The following USH2A variants were observed in gnomAD, a reference collection of about 807,000 sequenced individuals.
The protein encoded by USH2A is usherin.
In USH2A, 443 loss-of-function variants were observed where a neutral mutation model predicts 538.9. The ratio of observed to expected loss-of-function variants is 0.82; its 90% CI spans 0.76 to 0.89. USH2A has a LOEUF of 0.89. USH2A is among the 40% of genes least tolerant of loss of function. The probability of loss-of-function intolerance (pLI) is 0.00; values close to 1 mark genes in which losing one functional copy is unlikely to be tolerated. For missense variants in USH2A, 6,633 were observed against 6,324.8 expected, an observed-to-expected ratio of 1.05 and a Z score of -1.65; for synonymous variants, 2,413 against 2,273.5, an observed-to-expected ratio of 1.06 and a Z score of -1.75.
Position 215,674,064 on chromosome 1 carries a change from G to T in USH2A, c.13811+36C>A, listed in dbSNP as rs770604353. 1.9e-6 allele frequency: 3 copies of T among 1,613,518 alleles called. No homozygotes were observed. The East Asian group carries it at 6.7e-5, about 36-fold the overall frequency. On this transcript the variant is annotated intron_variant, in intron 63 of 71. Coordinates refer to ENST00000307340, the MANE Select transcript of USH2A (RefSeq NM_206933.4). ...CTCAGGCAATAGAAAGGTCAGCAGT[G>T]GCTTACTCTCAGAAAACCGAGACAT...
chr1:216,332,510 G>C (rs922592547), intron 4 of USH2A, among the ~76,000 whole-genome samples: 1 of 152,130 alleles, frequency 6.6e-6, no homozygotes, highest in East Asian at 1.9e-4. Flanking sequence ...ATATGCGCAT[G>C]CTAAAGAAAG....
At chr1:216,168,672 G>A (rs2034217657) in intron 21 of USH2A, among the ~76,000 whole-genome samples, 1 of 152,118 alleles carries the variant, frequency 6.6e-6, no homozygotes, top group Non-Finnish European at 1.5e-5. Context: ...GCAGCCTCCA[G>A]CTGCAAGATT....
chr1:215,722,901 T>G (rs926014609), intron 61 of USH2A, among the ~76,000 whole-genome samples: 1 of 152,210 alleles, frequency 6.6e-6, no homozygotes, highest in Non-Finnish European at 1.5e-5. Flanking sequence ...GATTTATTTC[T>G]GCCAGCACAA....
chr1:215,809,407 TTC>T (rs1299635097), intron 49 of USH2A, among the ~76,000 whole-genome samples: 1 of 152,138 alleles, frequency 6.6e-6, no homozygotes, highest in African/African-American at 2.4e-5. Flanking sequence ...AGCTATGTCT[TTC>T]TGAATCCCTC....
intron 50 of USH2A, among the ~76,000 whole-genome samples, chr1:215,797,643 A>G (rs4314862): frequency 0.064 from 9,755 of 152,116 alleles, 365 homozygotes; most frequent in East Asian, 0.15. Context: ...GTATGATTAC[A>G]TATCTGTTTA....
chr1:215,847,196 T>G (rs1253015009), intron 44 of USH2A, among the ~76,000 whole-genome samples: 1 of 152,190 alleles, frequency 6.6e-6, no homozygotes, highest in Non-Finnish European at 1.5e-5. Flanking sequence ...CAAGAGAACA[T>G]GAAAACAGCC....
At chr1:216,110,819 A>C (rs1021362908) in intron 21 of USH2A, among the ~76,000 whole-genome samples, 5 of 152,224 alleles carry the variant, frequency 3.3e-5, no homozygotes, top group African/African-American at 1.2e-4. Context: ...AGGGCATTAC[A>C]GGGCATCAAT....
intron 49 of USH2A, among the ~76,000 whole-genome samples, chr1:215,811,908 AAAAC>A (rs969603939): frequency 4.0e-5 from 6 of 151,752 alleles, no homozygotes; most frequent in Admixed American, 1.3e-4. Flanking sequence ...ACTCCATCTC[AAAAC>A]AAACAAACAA....
intron 20 of USH2A, among the ~76,000 whole-genome samples, chr1:216,188,683 G>A (rs1043051805): frequency 4.6e-5 from 7 of 151,986 alleles, no homozygotes; most frequent in South Asian, 2.1e-4. Context: ...AGTAGTTTCT[G>A]TAACACTGAA....
rs1466275915 is a variant in USH2A, at chr1:215,625,287, A to G, written c.*494T>C. Reference sequence around the variant, plus strand: ...CAGAAAAGTTTGTCGACCTGGTGCAAAGTTTGGGATTCATTTAGCAGCTGT... The same window carrying G: ...CAGAAAAGTTTGTCGACCTGGTGCAGAGTTTGGGATTCATTTAGCAGCTGT... On this transcript the variant is annotated 3_prime_UTR_variant, in exon 72 of 72. Coordinates refer to ENST00000307340, the MANE Select transcript of USH2A (RefSeq NM_206933.4). 5.7e-6 allele frequency: 1 copy of G among 175,794 alleles called. No homozygotes were observed. Among genetic ancestry groups the G allele is most frequent in the Non-Finnish European group, 1.2e-5 (1 of 81,996 alleles). The allele number at this position is 175,794 out of a possible 1,614,324, so 10.9% of individuals were successfully genotyped here.
chr1:215,954,164 C>T (rs1430745256), intron 37 of USH2A, among the ~76,000 whole-genome samples: 1 of 152,112 alleles, frequency 6.6e-6, no homozygotes, highest in East Asian at 1.9e-4. Context: ...GGCGATTCCT[C>T]AGGGATCTAG....
At chr1:215,640,469 C>T in intron 68 of USH2A, 89 bp downstream of exon 68, 2 of 1,534,252 alleles carry the variant, frequency 1.3e-6, no homozygotes, top group Admixed American at 1.7e-5. Flanking sequence ...TAATGGTGAG[C>T]ATCTGCTGGT....
intron 15 of USH2A, among the ~76,000 whole-genome samples, chr1:216,208,926 C>T (rs1478690445): frequency 6.6e-6 from 1 of 152,128 alleles, no homozygotes; most frequent in Admixed American, 6.5e-5. Flanking sequence ...TTATTGGGGG[C>T]TGTTCCTATG....
intron 42 of USH2A, among the ~76,000 whole-genome samples, 185 bp downstream of exon 42, chr1:215,878,579 A>C (rs1262917035): frequency 6.6e-6 from 1 of 152,186 alleles, no homozygotes; most frequent in African/African-American, 2.4e-5. Context: ...CAAATTGATA[A>C]ACTTTGATGT....
intron 32 of USH2A, among the ~76,000 whole-genome samples, chr1:216,011,044 A>G (rs1558210345): frequency 2.0e-5 from 3 of 152,108 alleles, no homozygotes; most frequent in Non-Finnish European, 2.9e-5. Context: ...CCCGCCTGCT[A>G]CAGCATGGCC....
rs907905266 is a variant in USH2A at position 215,965,463 on chromosome 1, A to G, written c.6974T>C (p.Leu2325Pro). Residue 2325 changes from leucine (L) to proline (P), a missense_variant, in exon 37 of 72, where the codon CTA becomes CCA. Transcript: ENST00000307340. ...TACTGTTCCTTCAGGAGGAGCTTCT[A>G]GAGTTCGATTTTCCACCTGTGAGTA... is the stretch of plus-strand genomic sequence containing the variant. ...ALGPLVENRT[L>P]EAPPEGTVNV... The G allele has an allele frequency of 1.2e-6, 2 of 1,613,568 alleles. No individual in the cohort carries two copies. Among genetic ancestry groups the G allele is most frequent in the African/African-American group, 2.7e-5 (2 of 74,890 alleles).
intron 49 of USH2A, among the ~76,000 whole-genome samples, chr1:215,809,276 A>C (rs1315669867): frequency 2.0e-5 from 3 of 152,172 alleles, no homozygotes; most frequent in African/African-American, 7.2e-5. Flanking sequence ...TTAATTAAAC[A>C]CCACTCAGGA....
chr1:216,287,159 A>G (rs1199457877), intron 11 of USH2A, among the ~76,000 whole-genome samples: 2 of 152,206 alleles, frequency 1.3e-5, no homozygotes, highest in Non-Finnish European at 2.9e-5. Context: ...AAAGGCAACC[A>G]ATGTATTCTA....
intron 3 of USH2A, among the ~76,000 whole-genome samples, chr1:216,369,624 T>A (rs934992216): frequency 6.6e-6 from 1 of 152,112 alleles, no homozygotes; most frequent in African/African-American, 2.4e-5. Flanking sequence ...ATTAAAAAGC[T>A]AGTATGGGCC....
Sources: allele counts gnomAD v4.1 joint callset (sites outside exome capture counted in the v4.1 genomes callset), GRCh38; gene constraint gnomAD v4.1.1; transcripts MANE v1.5; gene names NCBI Gene and HGNC (gene_info 2026-07-23, HGNC 2026-07-21).